Variants in MCOLN2 observed in about 807,000 individuals in gnomAD.
MCOLN2 encodes the protein mucolipin-2.
Under a neutral mutation model 67.5 loss-of-function variants are expected in MCOLN2, and 57 were observed. The ratio of observed to expected loss-of-function variants is 0.84; its 90% CI spans 0.68 to 1.05. The LOEUF is 1.05. MCOLN2 is among the 50% of genes least tolerant of loss of function. The probability of loss-of-function intolerance (pLI) is 0.00; values close to 1 mark genes in which losing one functional copy is unlikely to be tolerated. For missense variants in MCOLN2, 620 were observed against 678.8 expected, an observed-to-expected ratio of 0.91 and a Z score of 0.96; for synonymous variants, 246 against 233.3, an observed-to-expected ratio of 1.05 and a Z score of -0.50.
intron 6 of MCOLN2, 59 bp downstream of exon 6, chr1:84,952,184 T>C: frequency 8.4e-7 from 1 of 1,190,244 alleles, no homozygotes; most frequent in Non-Finnish European, 1.2e-6. Flanking sequence ...ATACTCTGCA[T>C]CAACAAAAAG....
At position 84,965,639 on chromosome 1, in the gene MCOLN2, G is replaced by T. The variant is rs1368651093; in HGVS notation, c.147C>A (p.Phe49Leu). 6.2e-7 allele frequency: 1 copy of T among 1,613,926 alleles called. No individual in the cohort carries two copies. The highest frequency in any genetic ancestry group is 1.3e-5 in the African/African-American group (1 of 74,928). Residue 49 changes from phenylalanine to leucine, a missense_variant, in exon 2 of 14, where the codon TTC becomes TTA. Phe to Leu is a conservative substitution (Grantham distance 22, BLOSUM62 0). Coordinates refer to ENST00000370608, the MANE Select transcript of MCOLN2 (RefSeq NM_153259.4). ...ECLREDLKFY[F>L]MSPCEKYRAR... is the part of the protein sequence containing the mutation. ...CTCGGTATTTTTCACAAGGGCTCAT[G>T]AAGTAAAACTTCAGGTCTTCCCTTA...
chr1:84,964,756 A>G (rs1197633270), intron 2 of MCOLN2, among the ~76,000 whole-genome samples: 1 of 152,154 alleles, frequency 6.6e-6, no homozygotes, highest in East Asian at 1.9e-4. Flanking sequence ...AAGGAGCCGC[A>G]CCTAGATCCT....
chr1:84,965,486 C>A, intron 2 of MCOLN2, 63 bp downstream of exon 2: 1 of 1,545,738 alleles, frequency 6.5e-7, no homozygotes, highest in South Asian at 1.2e-5. Flanking sequence ...AAGTACAGAA[C>A]ACATGAAAAG....
At chr1:84,956,736 T>G (rs1208051314) in intron 3 of MCOLN2, 152 bp from the exon 4 acceptor site, 11 of 655,878 alleles carry the variant, frequency 1.7e-5, no homozygotes, top group Non-Finnish European at 9.7e-6. Flanking sequence ...CAAAGAAATC[T>G]TCTCAGTTTG....
At chr1:84,960,646 A>T (rs887293660) in intron 2 of MCOLN2, among the ~76,000 whole-genome samples, 4 of 152,250 alleles carry the variant, frequency 2.6e-5, no homozygotes, top group African/African-American at 7.2e-5. Context: ...GAAGGTTATA[A>T]GTTCTTCTAA....
chr1:84,987,527 TACATCTATGTATAC>T (rs1650631041), intron 1 of MCOLN2, among the ~76,000 whole-genome samples: 1 of 53,698 alleles, frequency 1.9e-5, no homozygotes, highest in African/African-American at 5.0e-5. Flanking sequence ...TATATATGTA[TACATCTATGTATAC>T]ATAGATGTAT....
chr1:84,954,513 T>C (rs948759286), intron 4 of MCOLN2, among the ~76,000 whole-genome samples: 35 of 152,352 alleles, frequency 2.3e-4, no homozygotes, highest in African/African-American at 8.2e-4. Context: ...CAAAGCAACC[T>C]TGTGAGATAG....
chr1:84,965,895 C>T (rs1649354953), intron 1 of MCOLN2, among the ~76,000 whole-genome samples, 187 bp from the exon 2 acceptor site: 1 of 152,156 alleles, frequency 6.6e-6, no homozygotes, highest in Admixed American at 6.6e-5. Flanking sequence ...TCTAAAACTA[C>T]ATGAAAAATT....
Position 84,926,416 on chromosome 1 carries a change from T to C in MCOLN2, c.*269A>G, listed in dbSNP as rs998760711. ...CTTTTTCCATTCCGAGATCATGTCATAAATTAACAGACTAATAGAGAATTT... is the reference window on the plus strand; with the variant it reads ...CTTTTTCCATTCCGAGATCATGTCACAAATTAACAGACTAATAGAGAATTT... On this transcript the variant is annotated 3_prime_UTR_variant, in exon 14 of 14. Coordinates refer to ENST00000370608, the MANE Select transcript of MCOLN2 (RefSeq NM_153259.4). 3.1e-6 allele frequency: 1 copy of C among 326,868 alleles called. No individual in the cohort carries two copies. The highest frequency in any genetic ancestry group is 5.5e-6 in the Non-Finnish European group (1 of 180,730). The allele number at this position is 326,868 out of a possible 1,614,324, so 20.2% of individuals were successfully genotyped here.
At chr1:84,987,565 C>CATATGTAT (rs1209430415) in intron 1 of MCOLN2, among the ~76,000 whole-genome samples, 25 of 78,570 alleles carry the variant, frequency 3.2e-4, no homozygotes, top group East Asian at 8.0e-4. Context: ...TCTATGTATA[C>CATATGTAT]ATAGATGTAT....
At chr1:84,981,510 G>T (rs1465177860) in intron 1 of MCOLN2, among the ~76,000 whole-genome samples, 1 of 152,174 alleles carries the variant, frequency 6.6e-6, no homozygotes, top group Admixed American at 6.6e-5. Flanking sequence ...CAACAACATG[G>T]ATGGAACTGG....
At chr1:84,928,282 C>T (rs961966364) in intron 13 of MCOLN2, among the ~76,000 whole-genome samples, 6 of 152,174 alleles carry the variant, frequency 3.9e-5, no homozygotes, top group Non-Finnish European at 7.3e-5. Flanking sequence ...GCAGACCCTC[C>T]GTCTCACCAT....
intron 6 of MCOLN2, among the ~76,000 whole-genome samples, chr1:84,950,272 T>C (rs1056530891): frequency 6.6e-6 from 1 of 152,242 alleles, no homozygotes; most frequent in African/African-American, 2.4e-5. Flanking sequence ...GAAGTTTTAC[T>C]AAATACAGGA....
chr1:84,981,858 T>C (rs1265425306), intron 1 of MCOLN2, among the ~76,000 whole-genome samples: 1 of 152,200 alleles, frequency 6.6e-6, no homozygotes, highest in Non-Finnish European at 1.5e-5. Flanking sequence ...AGGGAATGAA[T>C]ACCCCATTTT....
intron 1 of MCOLN2, among the ~76,000 whole-genome samples, chr1:84,996,018 A>G (rs1251594260): frequency 6.6e-6 from 1 of 152,154 alleles, no homozygotes; most frequent in Non-Finnish European, 1.5e-5. Flanking sequence ...GTGCCTGTGG[A>G]AAGTTCACGG....
chr1:84,927,271 TG>T (rs146143491), intron 13 of MCOLN2, among the ~76,000 whole-genome samples: 136 of 151,596 alleles, frequency 9.0e-4, no homozygotes, highest in Non-Finnish European at 1.7e-3. Flanking sequence ...GGTTTGTTTC[TG>T]GAAAAAAAAA....
In MCOLN2 at chr1:84,996,841, G is replaced by A; in HGVS notation, c.32C>T (p.Ala11Val). The change falls in exon 1 of 14, where the codon GCA (alanine) becomes GTA (valine). Residue 11 changes from alanine (A) to valine (V), a missense_variant. Transcript: ENST00000370608. ...ACCTGATCCTCTCTCCGGAATCCTT[G>A]CCTGGGGAAAACGATAAGGCTGCCG... MARQPYRFPQ[A>V]RIPERGSGVF... 1 of 1,614,074 alleles carries A rather than the reference G, an allele frequency of 6.2e-7. No individual in the cohort carries two copies. Among genetic ancestry groups the A allele is most frequent in the Non-Finnish European group, 8.5e-7 (1 of 1,179,988 alleles).
At chr1:84,952,572 A>G in intron 4 of MCOLN2, 42 bp from the exon 5 acceptor site, 2 of 1,304,842 alleles carry the variant, frequency 1.5e-6, no homozygotes, top group Non-Finnish European at 2.2e-6. Context: ...TTCAGGCAAG[A>G]ATTAGGTGCT....
At chr1:84,955,067 C>A (rs1648711222) in intron 4 of MCOLN2, among the ~76,000 whole-genome samples, 1 of 152,068 alleles carries the variant, frequency 6.6e-6, no homozygotes, top group Non-Finnish European at 1.5e-5. Flanking sequence ...CCCCATGCTG[C>A]TGTTCTTGTG....
Sources: allele counts gnomAD v4.1 joint callset (sites outside exome capture counted in the v4.1 genomes callset), GRCh38; gene constraint gnomAD v4.1.1; transcripts MANE v1.5; gene names NCBI Gene and HGNC (gene_info 2026-07-23, HGNC 2026-07-21).